The following PSD2 variants were observed in gnomAD, a reference collection of about 807,000 sequenced individuals.
PSD2 encodes the protein PH and SEC7 domain-containing protein 2.
PSD2 carries 38 observed loss-of-function variants against 69.8 expected under a neutral mutation model. The ratio of observed to expected loss-of-function variants is 0.54; its 90% CI spans 0.42 to 0.71. The LOEUF is 0.71. Among genes scored for constraint, PSD2 ranks in the 30% least tolerant of loss-of-function variants. The pLI, the probability that PSD2 is intolerant of heterozygous loss-of-function variation, is 0.00. For missense variants in PSD2, 943 were observed against 1,014.5 expected (o/e 0.93, Z 0.96); for synonymous variants, 412 against 423.0 (o/e 0.97, Z 0.32).
chr5:139,816,684 C>T (rs1760128909), intron 4 of PSD2, among the ~76,000 whole-genome samples: 1 of 152,240 alleles, frequency 6.6e-6, no homozygotes, highest in African/African-American at 2.4e-5. Flanking sequence ...CGTTGGCCTG[C>T]AGGACAACAC....
chr5:139,749,567 T>C, the PSD2 span, among the ~76,000 whole-genome samples: 1 of 152,214 alleles, frequency 6.6e-6, no homozygotes, highest in Non-Finnish European at 1.5e-5. Flanking sequence ...AACTGAGGCG[T>C]ACCAAGAGTG....
At chr5:139,766,914 TTC>T in the PSD2 span, among the ~76,000 whole-genome samples, 24 of 44,244 alleles carry the variant, frequency 5.4e-4, 2 homozygotes, top group Admixed American at 3.0e-3. Context: ...CCTCCCTTCC[TTC>T]CTTCCTTCCT....
intron 7 of PSD2, among the ~76,000 whole-genome samples, chr5:139,827,494 T>C (rs1182573039): frequency 2.0e-5 from 3 of 152,246 alleles, no homozygotes; most frequent in Admixed American, 2.0e-4. Context: ...AAGAGAGATG[T>C]CTGCAGGGAA....
chr5:139,757,533 C>T, the PSD2 span, among the ~76,000 whole-genome samples: 460 of 152,216 alleles, frequency 3.0e-3, 3 homozygotes, highest in African/African-American at 0.01. Flanking sequence ...CCCCTTCTTC[C>T]CCCAAAGAAA....
the PSD2 span, chr5:139,775,221 G>C: frequency 2.6e-5 from 4 of 152,402 alleles, no homozygotes; most frequent in African/African-American, 9.6e-5. Flanking sequence ...TTGCAAGGCA[G>C]CAGGGGACGC....
At chr5:139,802,669 A>G (rs1252279530) in intron 1 of PSD2, among the ~76,000 whole-genome samples, 1 of 152,170 alleles carries the variant, frequency 6.6e-6, no homozygotes, top group Non-Finnish European at 1.5e-5. Flanking sequence ...TCAGTTGGGC[A>G]TAGAGTCACC....
chr5:139,836,051 C>A (rs944303928), intron 9 of PSD2, among the ~76,000 whole-genome samples: 3 of 152,216 alleles, frequency 2.0e-5, no homozygotes, highest in African/African-American at 4.8e-5. Flanking sequence ...GGATAGTGTT[C>A]CAATTCCCAT....
At chr5:139,800,074 C>T (rs1415175720) in intron 1 of PSD2, among the ~76,000 whole-genome samples, 5 of 152,194 alleles carry the variant, frequency 3.3e-5, no homozygotes, top group Non-Finnish European at 5.9e-5. Context: ...GCTTCAGGCA[C>T]CAGCAGGGGA....
intron 1 of PSD2, among the ~76,000 whole-genome samples, chr5:139,804,194 G>A (rs1283376893): frequency 6.6e-6 from 1 of 152,208 alleles, no homozygotes; most frequent in Non-Finnish European, 1.5e-5. Context: ...TAGCCCATGT[G>A]CTAAAATCTG....
intron 1 of PSD2, among the ~76,000 whole-genome samples, chr5:139,806,421 G>A (rs1384518723): frequency 6.6e-6 from 1 of 152,244 alleles, no homozygotes. Context: ...GCAGAGGGAG[G>A]CTACTCCTGG....
rs1760928469 is a variant in PSD2 at position 139,843,531 on chromosome 5, A to T, written c.*1057A>T. ...TCTTGGACAGATCTACTGCTATAGG[A>T]ATAAAAGACACTCTGTCTCGCAAAT... On this transcript the variant is annotated 3_prime_UTR_variant, in exon 15 of 15. Transcript: ENST00000274710. 6.6e-6 allele frequency: 1 copy of T among 152,198 alleles called. No homozygotes were observed. 9.4% of individuals were successfully genotyped at this position (152,198 alleles called of 1,614,324 possible).
At chr5:139,827,085 A>G (rs988309261) in intron 7 of PSD2, among the ~76,000 whole-genome samples, 1 of 152,252 alleles carries the variant, frequency 6.6e-6, no homozygotes, top group African/African-American at 2.4e-5. Flanking sequence ...TACCCGAATC[A>G]ATCTCTGTGG....
intron 2 of PSD2, among the ~76,000 whole-genome samples, chr5:139,810,976 A>G (rs1759943577): frequency 6.6e-6 from 1 of 152,048 alleles, no homozygotes; most frequent in South Asian, 2.1e-4. Context: ...TGGGGGGTCC[A>G]TTGGTGGCTC....
At chr5:139,841,244 G>A (rs944131278) in intron 14 of PSD2, among the ~76,000 whole-genome samples, 1 of 152,134 alleles carries the variant, frequency 6.6e-6, no homozygotes, top group Non-Finnish European at 1.5e-5. Flanking sequence ...GTCAGAGTTT[G>A]CAAATTTTTT....
intron 14 of PSD2, among the ~76,000 whole-genome samples, chr5:139,841,406 C>T (rs779421396): frequency 6.6e-6 from 1 of 152,108 alleles, no homozygotes; most frequent in African/African-American, 2.4e-5. Context: ...TTTGTTTATC[C>T]GTTTATCCAT....
chr5:139,751,082 G>T, the PSD2 span, among the ~76,000 whole-genome samples: 1 of 152,168 alleles, frequency 6.6e-6, no homozygotes, highest in Admixed American at 6.5e-5. Context: ...TATCACTGTG[G>T]CTTGGGTAGA....
At chr5:139,748,473 AACCACCACC>A in the PSD2 span, among the ~76,000 whole-genome samples, 92 of 152,224 alleles carry the variant, frequency 6.0e-4, no homozygotes, top group African/African-American at 2.2e-3. Context: ...GTACACTCCC[AACCACCACC>A]ACTACCACCC....
chr5:139,830,446 G>A (rs1310458038), intron 7 of PSD2, among the ~76,000 whole-genome samples: 8 of 150,232 alleles, frequency 5.3e-5, no homozygotes. Context: ...AACCGCCTGG[G>A]CTCAAGCAAT....
chr5:139,798,791 C>T (rs938625373), intron 1 of PSD2, among the ~76,000 whole-genome samples: 4 of 152,170 alleles, frequency 2.6e-5, no homozygotes, highest in Non-Finnish European at 5.9e-5. Context: ...TGTTATCATA[C>T]CCAAGAAGTT....
Sources: gnomAD v4.1 joint callset for allele counts (sites outside exome capture counted in the v4.1 genomes callset) on GRCh38, gnomAD v4.1.1 for gene constraint, MANE v1.5 for transcripts, NCBI Gene and HGNC (gene_info 2026-07-23, HGNC 2026-07-21) for gene names.